UBE2L6: variants seen among roughly 807,000 people sequenced by gnomAD.
UBE2L6 encodes the protein ubiquitin conjugating enzyme E2 L6.
In UBE2L6, 11 loss-of-function variants were observed where a neutral mutation model predicts 13.6. That is an observed-to-expected ratio of 0.81 (90% CI 0.51 to 1.34). The LOEUF (loss-of-function observed/expected upper bound fraction) is 1.34, where lower values mean the gene tolerates loss of function less well. UBE2L6 is among the 40% of genes most tolerant of loss of function. The pLI is 0.00. For synonymous variants in UBE2L6, 74 were observed against 83.2 expected (o/e 0.89, Z 0.60); for missense variants, 197 against 199.5 (o/e 0.99, Z 0.07).
At chr11:57,558,510 T>C (rs1364531115) in intron 2 of UBE2L6, among the ~76,000 whole-genome samples, 2 of 152,218 alleles carry the variant, frequency 1.3e-5, no homozygotes, top group Non-Finnish European at 2.9e-5. Context: ...CTTAACCTCC[T>C]TGGTTTCCAT....
rs762896473 is a variant in UBE2L6, at chr11:57,552,317, G to A, written c.*41C>T. 1.9e-6 allele frequency: 3 copies of A among 1,610,540 alleles called. No individual in the cohort carries two copies. The highest frequency in any genetic ancestry group is 1.7e-5 in the Admixed American group (1 of 59,892). On this transcript the variant is annotated 3_prime_UTR_variant, in exon 4 of 4. Coordinates refer to ENST00000287156, the MANE Select transcript of UBE2L6 (RefSeq NM_004223.5). Reference sequence around the variant, plus strand: ...CTCAGTCCATGAGGTGTGTCCGTCCGCTATGCCGAGGATCCAGTGCACAGA... The same window carrying A: ...CTCAGTCCATGAGGTGTGTCCGTCCACTATGCCGAGGATCCAGTGCACAGA...
At chr11:57,563,555 A>C (rs1945063375) in intron 1 of UBE2L6, among the ~76,000 whole-genome samples, 1 of 151,544 alleles carries the variant, frequency 6.6e-6, no homozygotes, top group Non-Finnish European at 1.5e-5. Flanking sequence ...TTAACAGCAG[A>C]ATTGATCAAG....
chr11:57,554,768 G>A, intron 2 of UBE2L6, 145 bp from the exon 3 acceptor site: 2 of 875,448 alleles, frequency 2.3e-6, no homozygotes, highest in Non-Finnish European at 3.5e-6. Context: ...TTTGACAATT[G>A]AGTCATGGAT....
chr11:57,563,688 G>A (rs1358107041), intron 1 of UBE2L6, among the ~76,000 whole-genome samples: 5 of 149,606 alleles, frequency 3.3e-5, no homozygotes, highest in African/African-American at 1.2e-4. Context: ...TCAGGAGATC[G>A]AGACCATCCT....
At chr11:57,563,503 A>G (rs1386609838) in intron 1 of UBE2L6, among the ~76,000 whole-genome samples, 1 of 150,914 alleles carries the variant, frequency 6.6e-6, no homozygotes, top group African/African-American at 2.4e-5. Context: ...AAAAAGAAAG[A>G]AAGAAAAAAA....
chr11:57,553,218 G>T (rs2135272368), intron 3 of UBE2L6, among the ~76,000 whole-genome samples: 1 of 152,358 alleles, frequency 6.6e-6, no homozygotes, highest in South Asian at 2.1e-4. Context: ...ATCAGGCTGG[G>T]CACGGTGGCT....
intron 1 of UBE2L6, 199 bp downstream of exon 1, chr11:57,567,385 AC>A: frequency 1.3e-6 from 1 of 749,136 alleles, no homozygotes; most frequent in Non-Finnish European, 2.2e-6. Context: ...AGGCCTCCAA[AC>A]CCCCAAAACC....
chr11:57,567,572 T>C lies in UBE2L6; in HGVS notation c.27+13A>G, dbSNP rs1945102858. On this transcript the variant is annotated intron_variant, in intron 1 of 3. Transcript: ENST00000287156. ...GGGAGCCAAGAGAAAGGGGTCATCCTATACGCGGTTACCTTCACCACTCGC... is the reference window on the plus strand; with the variant it reads ...GGGAGCCAAGAGAAAGGGGTCATCCCATACGCGGTTACCTTCACCACTCGC... The C allele has an allele frequency of 6.2e-7, 1 of 1,606,856 alleles. No homozygotes were observed. The highest frequency in any genetic ancestry group is 8.5e-7 in the Non-Finnish European group (1 of 1,177,680).
intron 2 of UBE2L6, among the ~76,000 whole-genome samples, chr11:57,556,072 C>T (rs1590808119): frequency 6.6e-6 from 1 of 152,306 alleles, no homozygotes; most frequent in East Asian, 1.9e-4. Context: ...GAGCACCTGT[C>T]TGTGCTGTCC....
At chr11:57,565,797 A>G (rs1349690709) in intron 1 of UBE2L6, among the ~76,000 whole-genome samples, 1 of 152,218 alleles carries the variant, frequency 6.6e-6, no homozygotes, top group Non-Finnish European at 1.5e-5. Flanking sequence ...CAATGGATAC[A>G]TAACAGTTAT....
At chr11:57,559,470 G>C (rs1352142204) in intron 2 of UBE2L6, among the ~76,000 whole-genome samples, 1 of 152,098 alleles carries the variant, frequency 6.6e-6, no homozygotes, top group Non-Finnish European at 1.5e-5. Context: ...AATTAGCCAG[G>C]CATAGTGGCA....
Position 57,567,280 on chromosome 11 carries a change from C to T in UBE2L6, c.27+305G>A, listed in dbSNP as rs79737729. On this transcript the variant is annotated intron_variant, in intron 1 of 3. Transcript: ENST00000287156. ...GGACTTTTCCTGCACTGGAGATGCACCCAGTTGTTATCACAAGTTTCAGGC... is the reference window on the plus strand; with the variant it reads ...GGACTTTTCCTGCACTGGAGATGCATCCAGTTGTTATCACAAGTTTCAGGC... The T allele has an allele frequency of 2.4e-3, 1,259 of 520,932 alleles. 10 individuals carry two copies. In the Middle Eastern group the frequency reaches 0.036, roughly 15 times the overall value. The allele number at this position is 520,932 out of a possible 1,614,324, so 32.3% of individuals were successfully genotyped here.
chr11:57,565,925 C>T (rs1945087512), intron 1 of UBE2L6, among the ~76,000 whole-genome samples: 1 of 150,240 alleles, frequency 6.7e-6, no homozygotes, highest in African/African-American at 2.5e-5. Flanking sequence ...TGCCTTACCC[C>T]CACCCCCAAC....
intron 2 of UBE2L6, among the ~76,000 whole-genome samples, chr11:57,557,733 T>C (rs1403928259): frequency 6.6e-6 from 1 of 152,138 alleles, no homozygotes; most frequent in African/African-American, 2.4e-5. Flanking sequence ...TGAGCCAAAT[T>C]AACCTCTTTT....
Position 57,557,413 on chromosome 11 carries a change from G to C in UBE2L6, c.124-2790C>G, listed in dbSNP as rs913246608. On this transcript the variant is annotated intron_variant, in intron 2 of 3. Coordinates refer to ENST00000287156, the MANE Select transcript of UBE2L6 (RefSeq NM_004223.5). Reference sequence around the variant, plus strand: ...CATGCTTCTTTTTTTTTTTTTTTTTGAGATGGAGTTTCACTTTGCTGCCCA... The same window carrying C: ...CATGCTTCTTTTTTTTTTTTTTTTTCAGATGGAGTTTCACTTTGCTGCCCA... 2.3e-4 allele frequency among the ~76,000 whole-genome samples: 13 copies of C among 57,776 alleles called. No individual in the cohort carries two copies. The East Asian group carries it at 9.0e-3, about 40-fold the overall frequency. The allele number at this position is 57,776 out of a possible 152,430, so 37.9% of individuals were successfully genotyped here. A position where few individuals can be genotyped will look rare whatever the true frequency, so the allele number is the denominator to read the frequency against.
At chr11:57,557,512 A>G (rs1212780332) in intron 2 of UBE2L6, among the ~76,000 whole-genome samples, 1 of 150,414 alleles carries the variant, frequency 6.6e-6, no homozygotes, top group African/African-American at 2.5e-5. Flanking sequence ...CTCCTGCCTC[A>G]GCCTCCCAAC....
chr11:57,552,251 A>C lies in UBE2L6; in HGVS notation c.*107T>G. 6.8e-7 allele frequency: 1 copy of C among 1,470,718 alleles called. No individual in the cohort carries two copies. The highest frequency in any genetic ancestry group is 1.3e-5 in the South Asian group (1 of 78,536). The allele number at this position is 1,470,718 out of a possible 1,614,324, so 91.1% of individuals were successfully genotyped here. A position where few individuals can be genotyped will look rare whatever the true frequency, so the allele number is the denominator to read the frequency against. On this transcript the variant is annotated 3_prime_UTR_variant, in exon 4 of 4. Coordinates refer to ENST00000287156, the MANE Select transcript of UBE2L6 (RefSeq NM_004223.5). ...CAAACTAATGACTAACAACCTAAGA[A>C]GGGAAAAATGAATGGGGAATGGGCC...
In UBE2L6 at chr11:57,552,449, TC is replaced by T; in HGVS notation, c.370del (p.Asp124ThrfsTer6). 6.2e-7 allele frequency: 1 copy of T among 1,614,070 alleles called. No individual in the cohort carries two copies. The highest frequency in any genetic ancestry group is 8.5e-7 in the Non-Finnish European group (1 of 1,179,990). On this transcript the variant is annotated frameshift_variant, in exon 4 of 4. Coordinates refer to ENST00000287156, the MANE Select transcript of UBE2L6 (RefSeq NM_004223.5). LOFTEE classifies it low-confidence loss of function (END_TRUNC). ...RPNIREPLRMDLADLLTQNPE... is the reference protein window; with the variant it reads ...RPNIREPLRMXLADLLTQNPE... ...ATTCTGTGTCAGCAGGTCAGCGAGG[TC>T]CATCCGCAGGGGCTCCCTGATATTC...
At chr11:57,559,352 T>C (rs1313212090) in intron 2 of UBE2L6, among the ~76,000 whole-genome samples, 1 of 152,244 alleles carries the variant, frequency 6.6e-6, no homozygotes, top group Non-Finnish European at 1.5e-5. Flanking sequence ...TGGCTCCACC[T>C]GTAATCCCAG....
Sources: allele counts gnomAD v4.1 joint callset (sites outside exome capture counted in the v4.1 genomes callset), GRCh38; gene constraint gnomAD v4.1.1; transcripts MANE v1.5; gene names NCBI Gene and HGNC (gene_info 2026-07-23, HGNC 2026-07-21).